BICC1: variants seen among roughly 807,000 people sequenced by gnomAD.
BICC1 encodes the protein BicC family RNA binding protein 1, also known as protein bicaudal C homolog 1.
BICC1 carries 43 observed loss-of-function variants against 111.0 expected under a neutral mutation model. The ratio of observed to expected loss-of-function variants is 0.39; its 90% CI spans 0.30 to 0.50. The LOEUF (loss-of-function observed/expected upper bound fraction) is 0.50, where lower values mean the gene tolerates loss of function less well. Among genes scored for constraint, BICC1 ranks in the 20% least tolerant of loss-of-function variants. The probability of loss-of-function intolerance (pLI) is 0.88; values close to 1 mark genes in which losing one functional copy is unlikely to be tolerated. For missense variants in BICC1, 1,091 were observed against 1,203.2 expected (o/e 0.91, Z 1.38); for synonymous variants, 467 against 434.4 (o/e 1.07, Z -0.93).
chr10:58,781,385 G>A (rs1395138848), intron 3 of BICC1, among the ~76,000 whole-genome samples: 1 of 152,136 alleles, frequency 6.6e-6, no homozygotes, highest in East Asian at 1.9e-4. Context: ...TCTACCACTT[G>A]TTTGGCACTG....
chr10:58,518,891 C>G (rs1842317396), intron 1 of BICC1, among the ~76,000 whole-genome samples: 1 of 152,154 alleles, frequency 6.6e-6, no homozygotes, highest in African/African-American at 2.4e-5. Flanking sequence ...CTCTCAGTCA[C>G]TTATCTCTAT....
chr10:58,695,188 A>G (rs902142521), intron 2 of BICC1, among the ~76,000 whole-genome samples: 4 of 152,198 alleles, frequency 2.6e-5, no homozygotes, highest in Admixed American at 1.3e-4. Flanking sequence ...GAAATATAGC[A>G]GAACCCTCTA....
At chr10:58,779,677 C>T (rs955730993) in intron 3 of BICC1, among the ~76,000 whole-genome samples, 11 of 148,982 alleles carry the variant, frequency 7.4e-5, no homozygotes, top group African/African-American at 2.7e-4. Flanking sequence ...TCCAAGGTGA[C>T]AGAGTTTGTT....
intron 2 of BICC1, among the ~76,000 whole-genome samples, chr10:58,686,122 G>A (rs1312710926): frequency 4.6e-5 from 7 of 152,140 alleles, no homozygotes; most frequent in Admixed American, 2.0e-4. Context: ...CTTCACTTAT[G>A]AAGCTTAGTT....
chr10:58,541,952 C>A (rs574058070), intron 1 of BICC1, among the ~76,000 whole-genome samples: 2 of 151,840 alleles, frequency 1.3e-5, no homozygotes, highest in Admixed American at 1.3e-4. Context: ...GAGTTTGAGA[C>A]CAGCCTGGGC....
chr10:58,642,867 G>A (rs991066172), intron 2 of BICC1, among the ~76,000 whole-genome samples: 2 of 152,066 alleles, frequency 1.3e-5, no homozygotes, highest in African/African-American at 4.8e-5. Flanking sequence ...ACCATGCTCG[G>A]CTAATTTTTT....
At chr10:58,660,688 C>G (rs1004128133) in intron 2 of BICC1, among the ~76,000 whole-genome samples, 2 of 152,056 alleles carry the variant, frequency 1.3e-5, no homozygotes, top group Non-Finnish European at 2.9e-5. Flanking sequence ...TCTTTGTACC[C>G]TCCCATTACC....
At chr10:58,554,171 T>C (rs1372247162) in intron 1 of BICC1, among the ~76,000 whole-genome samples, 1 of 152,142 alleles carries the variant, frequency 6.6e-6, no homozygotes, top group African/African-American at 2.4e-5. Flanking sequence ...TACCTGTTAA[T>C]CCCATATTAA....
intron 1 of BICC1, among the ~76,000 whole-genome samples, chr10:58,541,709 A>G (rs754086457): frequency 4.6e-5 from 7 of 152,270 alleles, no homozygotes; most frequent in Non-Finnish European, 7.4e-5. Flanking sequence ...AAAAAATTCT[A>G]AAATTCATAT....
chr10:58,655,123 TC>T (rs1838591859), intron 2 of BICC1, among the ~76,000 whole-genome samples: 1 of 142,654 alleles, frequency 7.0e-6, no homozygotes, highest in South Asian at 2.4e-4. Flanking sequence ...GTGTGATGCC[TC>T]CAGCTTTATT....
At chr10:58,616,566 C>T (rs963495677) in intron 1 of BICC1, among the ~76,000 whole-genome samples, 2 of 152,120 alleles carry the variant, frequency 1.3e-5, no homozygotes, top group Admixed American at 1.3e-4. Flanking sequence ...TGACTGGAGG[C>T]CACATGTGGA....
At chr10:58,805,629 T>A (rs550894738) in intron 15 of BICC1, among the ~76,000 whole-genome samples, 1 of 152,362 alleles carries the variant, frequency 6.6e-6, no homozygotes, top group Admixed American at 6.5e-5. Context: ...TATTTACTTT[T>A]ATTATCTTGG....
chr10:58,591,540 C>A (rs939880147), intron 1 of BICC1, among the ~76,000 whole-genome samples: 2 of 152,178 alleles, frequency 1.3e-5, no homozygotes, highest in African/African-American at 4.8e-5. Context: ...TTGAATGCTT[C>A]CTCACATGAC....
chr10:58,672,136 T>C (rs1020535824), intron 2 of BICC1, among the ~76,000 whole-genome samples: 81 of 152,348 alleles, frequency 5.3e-4, no homozygotes, highest in African/African-American at 1.9e-3. Context: ...TACATTTCAG[T>C]GGCATTGAGT....
At chr10:58,622,872 T>C (rs1325991033) in intron 2 of BICC1, among the ~76,000 whole-genome samples, 1 of 152,262 alleles carries the variant, frequency 6.6e-6, no homozygotes, top group Admixed American at 6.5e-5. Context: ...AGAAATAGGC[T>C]ACATAGCTGT....
intron 2 of BICC1, among the ~76,000 whole-genome samples, chr10:58,626,536 A>C (rs1431723361): frequency 6.6e-6 from 1 of 152,170 alleles, no homozygotes; most frequent in Admixed American, 6.5e-5. Flanking sequence ...AGGGTTAGTG[A>C]GAAGAGATTA....
intron 3 of BICC1, among the ~76,000 whole-genome samples, chr10:58,712,143 G>A (rs1041567968): frequency 7.2e-5 from 11 of 152,074 alleles, no homozygotes; most frequent in South Asian, 2.1e-4. Flanking sequence ...AATTAGAACC[G>A]TTAAGATATC....
intron 1 of BICC1, among the ~76,000 whole-genome samples, chr10:58,568,304 C>T (rs181197767): frequency 3.0e-4 from 45 of 152,142 alleles, no homozygotes; most frequent in Non-Finnish European, 5.3e-4. Context: ...TGACAGATGC[C>T]AAGTAGAGCC....
intron 1 of BICC1, among the ~76,000 whole-genome samples, chr10:58,581,642 C>T (rs1844282941): frequency 6.6e-6 from 1 of 152,036 alleles, no homozygotes; most frequent in Admixed American, 6.6e-5. Flanking sequence ...ATTAACGATC[C>T]ACGTGTCTGT....
Sources: gnomAD v4.1 joint callset for allele counts (sites outside exome capture counted in the v4.1 genomes callset) on GRCh38, gnomAD v4.1.1 for gene constraint, MANE v1.5 for transcripts, NCBI Gene and HGNC (gene_info 2026-07-23, HGNC 2026-07-21) for gene names.